The following BRI3BP variants were observed in gnomAD, a reference collection of about 807,000 sequenced individuals.
BRI3BP encodes the protein BRI3-binding protein.
A neutral mutation model predicts 15.8 loss-of-function variants in BRI3BP; 7 were observed. The observed-to-expected ratio is 0.44, with a 90% CI of 0.25 to 0.83. The LOEUF (loss-of-function observed/expected upper bound fraction) is 0.83, where lower values mean the gene tolerates loss of function less well. Among genes scored for constraint, BRI3BP ranks in the 40% least tolerant of loss-of-function variants. BRI3BP has a pLI of 0.20. For missense variants in BRI3BP, 320 were observed against 339.3 expected (o/e 0.94, Z 0.45); for synonymous variants, 192 against 163.5 (o/e 1.17, Z -1.33).
intron 2 of BRI3BP, among the ~76,000 whole-genome samples, chr12:125,018,475 G>A (rs1955266259): frequency 6.6e-6 from 1 of 152,034 alleles, no homozygotes; most frequent in South Asian, 2.1e-4. Flanking sequence ...GACACACGTA[G>A]GGAGAAGGCC....
chr12:125,049,538 G>C, the BRI3BP span, among the ~76,000 whole-genome samples: 1 of 150,702 alleles, frequency 6.6e-6, no homozygotes, highest in Non-Finnish European at 1.5e-5. Context: ...TTGGGGAGCA[G>C]AGCGGGTGGG....
At chr12:125,016,356 T>G (rs900288477) in intron 2 of BRI3BP, among the ~76,000 whole-genome samples, 1 of 27,624 alleles carries the variant, frequency 3.6e-5, no homozygotes, top group African/African-American at 9.8e-5. Context: ...TTCTTCAGTG[T>G]TTTTTTTTTT....
intron 1 of BRI3BP, 61 bp downstream of exon 1, chr12:124,994,064 G>A: frequency 9.0e-7 from 1 of 1,109,336 alleles, no homozygotes; most frequent in Non-Finnish European, 1.1e-6. Context: ...CTGGCTACCG[G>A]GGCCGACCTG....
At position 125,030,326 on chromosome 12, in the gene BRI3BP, C is replaced by A. The variant is rs2136003697; in HGVS notation, c.*4896C>A. ...ACTTTTTTATTTTTAATGGTCTATA[C>A]CTTCTGCAACATTTTTGTTTATGGC... On this transcript the variant is annotated 3_prime_UTR_variant, in exon 3 of 3. Transcript: ENST00000341446. The A allele has an allele frequency of 6.6e-6, 1 of 152,306 alleles. No individual in the cohort carries two copies. The highest frequency in any genetic ancestry group is 2.4e-5 in the African/African-American group (1 of 41,566). The allele number at this position is 152,306 out of a possible 1,614,324, so 9.4% of individuals were successfully genotyped here.
intron 1 of BRI3BP, among the ~76,000 whole-genome samples, chr12:125,007,874 G>A (rs548188763): frequency 1.2e-4 from 18 of 152,178 alleles, no homozygotes; most frequent in East Asian, 1.2e-3. Context: ...CTTACTACGC[G>A]TCTCTTCCAT....
At chr12:125,035,686 T>C (rs753356670), downstream of BRI3BP, among the ~76,000 whole-genome samples, 3 of 152,102 alleles carry the variant, frequency 2.0e-5, no homozygotes, top group Non-Finnish European at 4.4e-5. Flanking sequence ...ATGCCTGGCC[T>C]CTTTTTTTCT....
At chr12:125,020,438 C>T (rs944305146) in intron 2 of BRI3BP, among the ~76,000 whole-genome samples, 51 of 152,308 alleles carry the variant, frequency 3.3e-4, no homozygotes, top group African/African-American at 1.2e-3. Context: ...ACCCCTACGA[C>T]CTGATCACCT....
At chr12:124,997,214 C>CTT (rs1229802280) in intron 1 of BRI3BP, among the ~76,000 whole-genome samples, 857 of 51,484 alleles carry the variant, frequency 0.017, 183 homozygotes, top group African/African-American at 0.077. Context: ...CTTTACTTCT[C>CTT]TTTTTTTTTT....
the BRI3BP span, among the ~76,000 whole-genome samples, chr12:125,036,495 G>A: frequency 6.6e-6 from 1 of 152,028 alleles, no homozygotes; most frequent in African/African-American, 2.4e-5. Context: ...TGGCTTCAAT[G>A]TAGATAATGC....
downstream of BRI3BP, among the ~76,000 whole-genome samples, chr12:125,031,503 G>C (rs1422320164): frequency 6.6e-6 from 1 of 150,892 alleles, no homozygotes; most frequent in African/African-American, 2.4e-5. Flanking sequence ...CTAGCACAGT[G>C]ATGCGTGCCT....
At chr12:125,018,911 A>T (rs748123014) in intron 2 of BRI3BP, among the ~76,000 whole-genome samples, 8 of 151,316 alleles carry the variant, frequency 5.3e-5, no homozygotes, top group Non-Finnish European at 1.0e-4. Context: ...CAGGTTGGAG[A>T]GCAATGCCGC....
chr12:125,020,196 T>G (rs577596974), intron 2 of BRI3BP, among the ~76,000 whole-genome samples: 60 of 152,284 alleles, frequency 3.9e-4, no homozygotes, highest in African/African-American at 1.4e-3. Flanking sequence ...TCTGCCCACC[T>G]TGGCCTCCCA....
At chr12:125,050,253 G>A in the BRI3BP span, among the ~76,000 whole-genome samples, 1 of 152,008 alleles carries the variant, frequency 6.6e-6, no homozygotes, top group African/African-American at 2.4e-5. Flanking sequence ...CAGAGGCTGA[G>A]GCAGGAAAAT....
At chr12:125,024,261 C>CT (rs1283547372) in intron 2 of BRI3BP, among the ~76,000 whole-genome samples, 1 of 34,864 alleles carries the variant, frequency 2.9e-5, no homozygotes, top group Non-Finnish European at 4.7e-5. Flanking sequence ...TCATGAAACC[C>CT]CCCCCCCTCC....
Position 125,028,773 on chromosome 12 carries a change from C to T in BRI3BP, c.*3343C>T, listed in dbSNP as rs1955378770. The stretch of plus-strand genomic sequence containing the variant: ...ATTGGGGATTTTTTTGTTCCTTCTC[C>T]ATTCCATGGAACCTTGTAGGGTGTT... On this transcript the variant is annotated 3_prime_UTR_variant, in exon 3 of 3. Transcript: ENST00000341446. 6.6e-6 allele frequency: 1 copy of T among 152,194 alleles called. No homozygotes were observed. The highest frequency in any genetic ancestry group is 1.5e-5 in the Non-Finnish European group (1 of 68,040). 9.4% of individuals were successfully genotyped at this position (152,194 alleles called of 1,614,324 possible).
At chr12:125,045,763 C>A in the BRI3BP span, among the ~76,000 whole-genome samples, 2 of 152,190 alleles carry the variant, frequency 1.3e-5, no homozygotes, top group African/African-American at 4.8e-5. Flanking sequence ...AATAAATTAT[C>A]TCCTTTCTTA....
At chr12:125,003,018 G>C (rs1441962163) in intron 1 of BRI3BP, among the ~76,000 whole-genome samples, 1 of 152,078 alleles carries the variant, frequency 6.6e-6, no homozygotes, top group Admixed American at 6.6e-5. Flanking sequence ...GTTCATACGT[G>C]GTCTGTATGT....
chr12:125,033,253 G>A (rs1366639562), downstream of BRI3BP, among the ~76,000 whole-genome samples: 2 of 152,140 alleles, frequency 1.3e-5, no homozygotes, highest in East Asian at 1.9e-4. Flanking sequence ...TGGGCTGGGT[G>A]TAGTGTCTCA....
intron 1 of BRI3BP, among the ~76,000 whole-genome samples, chr12:125,000,351 C>T (rs1471284436): frequency 2.8e-5 from 4 of 144,428 alleles, no homozygotes; most frequent in Non-Finnish European, 4.5e-5. Context: ...TCTCGCTCTG[C>T]CACCCAGGCT....
Sources: allele counts gnomAD v4.1 joint callset (sites outside exome capture counted in the v4.1 genomes callset), GRCh38; gene constraint gnomAD v4.1.1; transcripts MANE v1.5; gene names NCBI Gene and HGNC (gene_info 2026-07-23, HGNC 2026-07-21).